The following FOCAD variants were observed in gnomAD, a reference collection of about 807,000 sequenced individuals.
FOCAD encodes focadhesin.
In FOCAD, 198 loss-of-function variants were observed where a neutral mutation model predicts 225.6. The observed-to-expected ratio is 0.88, with a 90% CI of 0.78 to 0.99. The LOEUF is 0.99. FOCAD is among the 50% of genes least tolerant of loss of function. FOCAD has a pLI of 0.00. For missense variants in FOCAD, 2,713 were observed against 2,123.6 expected, an observed-to-expected ratio of 1.28 and a Z score of -5.46; for synonymous variants, 897 against 755.0, an observed-to-expected ratio of 1.19 and a Z score of -3.08.
rs559069656 is a variant in FOCAD, at chr9:20,724,688, G to A, written c.287+4154G>A. The stretch of plus-strand genomic sequence containing the variant: ...TTTATTTCAAGTAGCAGAACTTTGC[G>A]GTGTGTAGTGAATACGAAGACTATA... On this transcript the variant is annotated intron_variant, in intron 4 of 43. Coordinates refer to ENST00000338382, the MANE Select transcript of FOCAD (RefSeq NM_001375567.1). Among the ~76,000 whole-genome samples, 8 of 151,936 alleles carry A rather than the reference G, an allele frequency of 5.3e-5. No individual in the cohort carries two copies. The South Asian group carries it at 6.2e-4, about 12-fold the overall frequency.
chr9:20,753,067 A>G (rs564485670), intron 5 of FOCAD, among the ~76,000 whole-genome samples: 5 of 152,080 alleles, frequency 3.3e-5, no homozygotes, highest in Admixed American at 6.6e-5. Context: ...GGGCTGAGTC[A>G]ATGGGGTTTT....
chr9:20,716,887 A>G (rs1193577133), intron 2 of FOCAD, among the ~76,000 whole-genome samples: 1 of 152,218 alleles, frequency 6.6e-6, no homozygotes, highest in Admixed American at 6.5e-5. Context: ...CCGACTTATA[A>G]GAAGCACTGT....
At chr9:20,849,889 C>G (rs867592989) in intron 15 of FOCAD, among the ~76,000 whole-genome samples, 30 of 151,796 alleles carry the variant, frequency 2.0e-4, no homozygotes, top group Admixed American at 1.3e-3. Flanking sequence ...GTTCATTGCT[C>G]TCAGGTATAA....
intron 35 of FOCAD, among the ~76,000 whole-genome samples, chr9:20,971,133 G>A (rs1463882667): frequency 6.6e-6 from 1 of 152,038 alleles, no homozygotes; most frequent in East Asian, 1.9e-4. Context: ...TGCTGACAGA[G>A]ATTTCCTTGA....
intron 5 of FOCAD, among the ~76,000 whole-genome samples, chr9:20,754,549 G>GT (rs11412520): frequency 0.23 from 33,163 of 145,752 alleles, 3,583 homozygotes; most frequent in African/African-American, 0.24. Context: ...GAAGCATAGT[G>GT]TTTTTTTTTT....
At chr9:20,897,865 T>G (rs187212829) in intron 21 of FOCAD, among the ~76,000 whole-genome samples, 1 of 151,856 alleles carries the variant, frequency 6.6e-6, no homozygotes, top group African/African-American at 2.4e-5. Flanking sequence ...TCTGAGCTTC[T>G]GATCTCTATA....
At chr9:20,717,946 T>A in intron 3 of FOCAD, 78 bp downstream of exon 3, 1 of 1,099,684 alleles carries the variant, frequency 9.1e-7, no homozygotes, top group Admixed American at 1.8e-5. Context: ...CCTGTCTTGT[T>A]TCCCTGATAG....
chr9:20,987,487 G>A (rs1009917785), intron 40 of FOCAD, among the ~76,000 whole-genome samples: 4 of 151,164 alleles, frequency 2.6e-5, no homozygotes, highest in African/African-American at 4.9e-5. Flanking sequence ...CAGCCTGGGT[G>A]ACAGAGCGAG....
At chr9:20,764,286 G>C (rs200912052) in intron 6 of FOCAD, among the ~76,000 whole-genome samples, 2 of 151,998 alleles carry the variant, frequency 1.3e-5, no homozygotes, top group South Asian at 2.1e-4. Context: ...ATGGAGTCTC[G>C]CTCTGTTGCC....
At chr9:20,886,088 A>G (rs1477532371) in intron 21 of FOCAD, among the ~76,000 whole-genome samples, 1 of 152,176 alleles carries the variant, frequency 6.6e-6, no homozygotes, top group Non-Finnish European at 1.5e-5. Flanking sequence ...TATCACACCA[A>G]TTGCCACCAG....
chr9:20,713,832 T>C (rs1027901151), intron 1 of FOCAD, among the ~76,000 whole-genome samples: 11 of 152,208 alleles, frequency 7.2e-5, no homozygotes, highest in Admixed American at 3.3e-4. Context: ...GTGAGTATTA[T>C]GGAATTCAAA....
At chr9:20,978,810 A>G (rs1216437494) in intron 37 of FOCAD, among the ~76,000 whole-genome samples, 1 of 152,222 alleles carries the variant, frequency 6.6e-6, no homozygotes, top group Non-Finnish European at 1.5e-5. Context: ...ATTAAGAGAA[A>G]GGAAATCCAT....
intron 8 of FOCAD, among the ~76,000 whole-genome samples, chr9:20,771,766 A>G (rs2131016648): frequency 6.6e-6 from 1 of 152,348 alleles, no homozygotes; most frequent in South Asian, 2.1e-4. Flanking sequence ...AAATACATAA[A>G]TAAACAAATA....
chr9:20,824,492 A>G (rs1403214723), intron 15 of FOCAD, among the ~76,000 whole-genome samples: 1 of 151,956 alleles, frequency 6.6e-6, no homozygotes, highest in African/African-American at 2.4e-5. Context: ...TCCTGTTACT[A>G]TAAGGCTGTA....
At chr9:20,662,510 G>A (rs1387469889) in intron 2 of FOCAD, among the ~76,000 whole-genome samples, 1 of 152,182 alleles carries the variant, frequency 6.6e-6, no homozygotes, top group Non-Finnish European at 1.5e-5. Flanking sequence ...CAGCCAGGGT[G>A]ACTGGGGACT....
rs372989536 is a variant in FOCAD at position 20,965,704 on chromosome 9, A to T, written c.4133-10716A>T. Among the ~76,000 whole-genome samples, 4 of 152,154 alleles carry T rather than the reference A, an allele frequency of 2.6e-5. No homozygotes were observed. In the East Asian group the frequency reaches 5.8e-4, roughly 22 times the overall value. On this transcript the variant is annotated intron_variant, in intron 35 of 43. Coordinates refer to ENST00000338382, the MANE Select transcript of FOCAD (RefSeq NM_001375567.1). ...TTGTTCCCCATTTCCCATTTTTCCA[A>T]GATCCTAGCAACCAATAATTTGCTT...
chr9:20,816,155 CATAA>C (rs554912535), intron 11 of FOCAD, among the ~76,000 whole-genome samples: 52 of 152,146 alleles, frequency 3.4e-4, no homozygotes, highest in African/African-American at 1.2e-3. Flanking sequence ...TACTCTTAGA[CATAA>C]ATACAGTACT....
intron 11 of FOCAD, 106 bp downstream of exon 11, chr9:20,789,714 G>T (rs1361332782): frequency 1.4e-6 from 2 of 1,407,912 alleles, no homozygotes; most frequent in Admixed American, 2.3e-5. Flanking sequence ...TTAAATTATG[G>T]GTTGATGATT....
At chr9:20,989,750 A>G (rs906278096) in intron 41 of FOCAD, among the ~76,000 whole-genome samples, 33 of 152,232 alleles carry the variant, frequency 2.2e-4, no homozygotes, top group African/African-American at 7.5e-4. Context: ...ATAACCATAA[A>G]TATTTCTTCA....
Sources: allele counts gnomAD v4.1 joint callset (sites outside exome capture counted in the v4.1 genomes callset), GRCh38; gene constraint gnomAD v4.1.1; transcripts MANE v1.5; gene names NCBI Gene and HGNC (gene_info 2026-07-23, HGNC 2026-07-21).